The following KLF18 variants were observed in gnomAD, a reference collection of about 807,000 sequenced individuals.
The protein encoded by KLF18 is KLF transcription factor 18.
rs1643218792 is a variant in KLF18, at chr1:44,139,942, T to C, written c.1690A>G (p.Thr564Ala). Residue 564 changes from threonine to alanine, a missense_variant, in exon 1 of 2, where the codon ACT becomes GCT. Transcript: ENST00000634670. ...TLCGEQVTTS[T>A]GNQALYGGQI... ...CCCCCGTAGAGGGCCTGGTTACCAG[T>C]GGAGGTCGTCACCTGCTCCCCACAG... is the stretch of plus-strand genomic sequence containing the variant. 2.6e-6 allele frequency: 1 copy of C among 389,616 alleles called. No homozygotes were observed. The highest frequency in any genetic ancestry group is 3.6e-5 in the East Asian group (1 of 27,498). The allele number at this position is 389,616 out of a possible 1,614,324, so 24.1% of individuals were successfully genotyped here.
At chr1:44,138,386 C>T (rs1394966749) in intron 1 of KLF18, among the ~76,000 whole-genome samples, 3 of 152,112 alleles carry the variant, frequency 2.0e-5, no homozygotes, top group Non-Finnish European at 2.9e-5. Context: ...CTGCAAGAGG[C>T]CAAAGAAATC....
At position 44,138,675 on chromosome 1, in the gene KLF18, C is replaced by T. The variant is rs1334144049; in HGVS notation, c.2957G>A (p.Arg986His). 2.8e-5 allele frequency: 11 copies of T among 398,518 alleles called. No homozygotes were observed. Among genetic ancestry groups the T allele is most frequent in the Non-Finnish European group, 4.4e-5 (10 of 226,064 alleles). The allele number at this position is 398,518 out of a possible 1,614,324, so 24.7% of individuals were successfully genotyped here. The change falls in exon 1 of 2, where the codon CGC becomes CAC. Residue 986 changes from arginine (R) to histidine (H), a missense_variant. Coordinates refer to ENST00000634670, the MANE Select transcript of KLF18 (RefSeq NM_001358438.1). ...SKACHLRTHM[R>H]KHTGEKPYVC... ...GGGCCCTCACTCACCGGTGTGCTTG[C>T]GCATGTGGGTTCGGAGGTGGCAAGC...
In KLF18 at chr1:44,137,980, T is replaced by C. The variant is rs950191836; in HGVS notation, c.3000A>G (p.Gly1000=). 1 of 398,682 alleles carries C rather than the reference T, an allele frequency of 2.5e-6. No homozygotes were observed. The highest frequency in any genetic ancestry group is 4.4e-6 in the Non-Finnish European group (1 of 226,164). 24.7% of individuals were successfully genotyped at this position (398,682 alleles called of 1,614,324 possible). A position where few individuals can be genotyped will look rare whatever the true frequency, so the allele number is the denominator to read the frequency against. Residue 1000 remains glycine, a synonymous_variant, in exon 2 of 2, where the codon GGA becomes GGG. Transcript: ENST00000634670. ...CTGAGCGGGCAAATTTCCACGTACA[T>C]CCCTCTACATCGCATACATAGGGCT... ...GEKPYVCDVE[G]CTWKFARSDE... is the part of the protein sequence containing the mutation.
rs572634990 is a variant in KLF18 at position 44,140,634 on chromosome 1, C to T, written c.998G>A (p.Gly333Glu). 1.1e-4 allele frequency: 41 copies of T among 377,000 alleles called. No homozygotes were observed. The highest frequency in any genetic ancestry group is 7.9e-4 in the African/African-American group (33 of 41,558). The allele number at this position is 377,000 out of a possible 1,614,324, so 23.4% of individuals were successfully genotyped here. Residue 333 changes from glycine (G) to glutamate (E), a missense_variant, in exon 1 of 2, where the codon GGG (glycine) becomes GAG (glutamate). Physicochemically the swap from Gly to Glu is moderately conservative, Grantham distance 98. Coordinates refer to ENST00000634670, the MANE Select transcript of KLF18 (RefSeq NM_001358438.1). ...ACCAGTGGAGGTCATCATCTGCCCCCCATAGAGGTTCTGGTTACCAGTGGA... is the reference window on the plus strand; with the variant it reads ...ACCAGTGGAGGTCATCATCTGCCCCTCATAGAGGTTCTGGTTACCAGTGGA... ...TTSTGNQNLYGGQMMTSTGNQ... is the reference protein window; with the variant it reads ...TTSTGNQNLYEGQMMTSTGNQ...
chr1:44,139,761 G>A lies in KLF18; in HGVS notation c.1871C>T (p.Ala624Val), dbSNP rs888560445. The A allele has an allele frequency of 3.1e-4, 122 of 392,436 alleles. No homozygotes were observed. The highest frequency in any genetic ancestry group is 6.4e-4 in the Middle Eastern group (1 of 1,574). The allele number at this position is 392,436 out of a possible 1,614,324, so 24.3% of individuals were successfully genotyped here. A position where few individuals can be genotyped will look rare whatever the true frequency, so the allele number is the denominator to read the frequency against. The part of the protein sequence containing the change: ...GQMMTSTGNQ[A>V]LYGGQMTTSA... ...GGTTGTCATCTGCCCCCCGTAGAGG[G>A]CCTGGTTACCAGTGGAGGTCATCAT... Residue 624 changes from alanine to valine, a missense_variant, in exon 1 of 2, where the codon GCC becomes GTC. Ala to Val is a moderately conservative substitution (Grantham distance 64). Coordinates refer to ENST00000634670, the MANE Select transcript of KLF18 (RefSeq NM_001358438.1).
In KLF18 at chr1:44,138,779, GCT is replaced by G. The variant is rs1249411903; in HGVS notation, c.2851_2852del (p.Ser951LeufsTer8). On this transcript the variant is annotated frameshift_variant, in exon 1 of 2. Transcript: ENST00000634670. LOFTEE classifies it high-confidence loss of function. The part of the protein sequence containing the change: ...QGQLPKQKTQ[S>X]CQFWKNPEVS... ...CCTCAGGATTCTTCCAGAACTGGCAGCTCTGTGTCTTCTGTTTTGGGAGTTGT... is the reference window on the plus strand; with the variant it reads ...CCTCAGGATTCTTCCAGAACTGGCAGCTGTGTCTTCTGTTTTGGGAGTTGT... 9 of 398,558 alleles carry G rather than the reference GCT, an allele frequency of 2.3e-5. No homozygotes were observed. Among genetic ancestry groups the G allele is most frequent in the Non-Finnish European group, 4.0e-5 (9 of 226,106 alleles). 24.7% of individuals were successfully genotyped at this position (398,558 alleles called of 1,614,324 possible).
At chr1:44,138,640 C>A (rs922259694) in intron 1 of KLF18, 24 bp downstream of exon 1, 1 of 398,412 alleles carries the variant, frequency 2.5e-6, no homozygotes, top group Non-Finnish European at 4.4e-6. Flanking sequence ...TGCCCCTCAC[C>A]CCTGTTTCTG....
At position 44,139,598 on chromosome 1, in the gene KLF18, G is replaced by T; in HGVS notation, c.2034C>A (p.Asn678Lys). 2.5e-6 allele frequency: 1 copy of T among 398,002 alleles called. No homozygotes were observed. 24.7% of individuals were successfully genotyped at this position (398,002 alleles called of 1,614,324 possible). Residue 678 changes from asparagine to lysine, a missense_variant, in exon 1 of 2, where the codon AAC becomes AAA. Physicochemically the swap from Asn to Lys is moderately conservative, Grantham distance 94. Transcript: ENST00000634670. ...CGEQMTTSTG[N>K]QALYGGQMTT... ...TCATCTGCCCCCCGTAGAGGGCCTGGTTACCAGTGGAGGTTGTCATCTGCT... is the reference window on the plus strand; with the variant it reads ...TCATCTGCCCCCCGTAGAGGGCCTGTTTACCAGTGGAGGTTGTCATCTGCT...
chr1:44,139,801 G>C lies in KLF18; in HGVS notation c.1831C>G (p.Leu611Val). The C allele has an allele frequency of 2.6e-6, 1 of 389,662 alleles. No homozygotes were observed. The highest frequency in any genetic ancestry group is 2.1e-5 in the African/African-American group (1 of 47,192). The allele number at this position is 389,662 out of a possible 1,614,324, so 24.1% of individuals were successfully genotyped here. ...QVTTSTGNQA[L>V]YGGQMMTSTG... ...GAGGTCATCATCTGCCCCCCATAGA[G>C]GGCCTGGTTACCAGTGGAGGTCGTC... Residue 611 changes from leucine to valine, a missense_variant, in exon 1 of 2, where the codon CTC (leucine) becomes GTC (valine). Transcript: ENST00000634670.
Position 44,138,677 on chromosome 1 carries a change from C to T in KLF18, c.2955G>A (p.Met985Ile). The change falls in exon 1 of 2, where the codon ATG becomes ATA. Residue 985 changes from methionine (M) to isoleucine (I), a missense_variant. Transcript: ENST00000634670. ...GCCCTCACTCACCGGTGTGCTTGCG[C>T]ATGTGGGTTCGGAGGTGGCAAGCCT... ...YSKACHLRTH[M>I]RKHTGEKPYV... 5.0e-6 allele frequency: 2 copies of T among 398,620 alleles called. No homozygotes were observed. The highest frequency in any genetic ancestry group is 8.8e-6 in the Non-Finnish European group (2 of 226,056). 24.7% of individuals were successfully genotyped at this position (398,620 alleles called of 1,614,324 possible).
Position 44,137,989 on chromosome 1 carries a change from A to G in KLF18, c.2991T>C (p.Asp997=), listed in dbSNP as rs979393280. 1.3e-5 allele frequency: 5 copies of G among 398,688 alleles called. No homozygotes were observed. The highest frequency in any genetic ancestry group is 4.1e-5 in the African/African-American group (2 of 48,640). The allele number at this position is 398,688 out of a possible 1,614,324, so 24.7% of individuals were successfully genotyped here. ...KHTGEKPYVC[D]VEGCTWKFAR... is the part of the protein sequence containing the mutation. The stretch of plus-strand genomic sequence containing the variant: ...CAAATTTCCACGTACATCCCTCTAC[A>G]TCGCATACATAGGGCTTCTCCCCTG... Residue 997 remains aspartate, a synonymous_variant, in exon 2 of 2, where the codon GAT becomes GAC. Coordinates refer to ENST00000634670, the MANE Select transcript of KLF18 (RefSeq NM_001358438.1).
chr1:44,138,314 G>T (rs1384688455), intron 1 of KLF18, among the ~76,000 whole-genome samples: 5 of 152,174 alleles, frequency 3.3e-5, no homozygotes, highest in Non-Finnish European at 5.9e-5. Flanking sequence ...GGGAAGTGGG[G>T]CCTGGGGGCC....
Position 44,140,156 on chromosome 1 carries a change from G to A in KLF18, c.1476C>T (p.Thr492=). The change falls in exon 1 of 2, where the codon ACC becomes ACT. Residue 492 remains threonine, a synonymous_variant. Transcript: ENST00000634670. ...NQALYGGQMM[T]STGNQTLYWG... is the part of the protein sequence containing the mutation. ...AGTAGAGGGTCTGGTTACCAGTGGA[G>A]GTCATCATCTGCCCCCCGTAGAGGG... 1 of 388,994 alleles carries A rather than the reference G, an allele frequency of 2.6e-6. No homozygotes were observed. The allele number at this position is 388,994 out of a possible 1,614,324, so 24.1% of individuals were successfully genotyped here.
chr1:44,140,490 G>A lies in KLF18; in HGVS notation c.1142C>T (p.Ser381Phe). 2.9e-6 allele frequency: 1 copy of A among 340,216 alleles called. No individual in the cohort carries two copies. Among genetic ancestry groups the A allele is most frequent in the East Asian group, 3.9e-5 (1 of 25,562 alleles). 21.1% of individuals were successfully genotyped at this position (340,216 alleles called of 1,614,324 possible). ...CCCATAGAGGTTCTGGTTACCAGTG[G>A]AGGTCGTCATCTGCCCTCCACAGAG... ...QALCGGQMTT[S>F]TGNQNLYGGQ... is the part of the protein sequence containing the mutation. The change falls in exon 1 of 2, where the codon TCC (serine) becomes TTC (phenylalanine). Residue 381 changes from serine (S) to phenylalanine (F), a missense_variant. Ser to Phe is a radical substitution (Grantham distance 155, BLOSUM62 -2). Transcript: ENST00000634670.
chr1:44,141,254 T>C lies in KLF18; in HGVS notation c.378A>G (p.Ser126=). The C allele has an allele frequency of 5.0e-6, 2 of 398,678 alleles. No homozygotes were observed. Among genetic ancestry groups the C allele is most frequent in the Non-Finnish European group, 8.8e-6 (2 of 226,132 alleles). 24.7% of individuals were successfully genotyped at this position (398,678 alleles called of 1,614,324 possible). ...TTGTCTTCTGGCAATCAGTGGGTGATGACTTTGGGGTGACAGTAACATCTG... is the reference window on the plus strand; with the variant it reads ...TTGTCTTCTGGCAATCAGTGGGTGACGACTTTGGGGTGACAGTAACATCTG... ...QMTDVTVTPK[S]SPTDCQKTTI... is the part of the protein sequence containing the mutation. Residue 126 remains serine, a synonymous_variant, in exon 1 of 2, where the codon TCA becomes TCG. Coordinates refer to ENST00000634670, the MANE Select transcript of KLF18 (RefSeq NM_001358438.1).
At chr1:44,138,148 G>A (rs1227748118) in intron 1 of KLF18, 137 bp from the exon 2 acceptor site, 3 of 396,948 alleles carry the variant, frequency 7.6e-6, no homozygotes, top group Non-Finnish European at 1.3e-5. Context: ...AGTGGTGGAG[G>A]TGAGTGAAGG....
At position 44,138,921 on chromosome 1, in the gene KLF18, A is replaced by C; in HGVS notation, c.2711T>G (p.Met904Arg). 2.5e-6 allele frequency: 1 copy of C among 398,704 alleles called. No individual in the cohort carries two copies. Among genetic ancestry groups the C allele is most frequent in the Non-Finnish European group, 4.4e-6 (1 of 226,120 alleles). 24.7% of individuals were successfully genotyped at this position (398,704 alleles called of 1,614,324 possible). A position where few individuals can be genotyped will look rare whatever the true frequency, so the allele number is the denominator to read the frequency against. The change falls in exon 1 of 2, where the codon ATG becomes AGG. Residue 904 changes from methionine to arginine, a missense_variant. By Grantham distance (91) the Met-to-Arg change is moderately conservative (BLOSUM62 -1). Transcript: ENST00000634670. ...GCTGTGGTCATCAGTGAGCGTTGTC[A>C]TATTGCCCACCTGAAGAGTCAGCAT... ...DQMLTLQVGN[M>R]TTLTDDHSLY...
At position 44,141,284 on chromosome 1, in the gene KLF18, C is replaced by T. The variant is rs947109454; in HGVS notation, c.348G>A (p.Gln116=). 2 of 398,530 alleles carry T rather than the reference C, an allele frequency of 5.0e-6. No homozygotes were observed. The highest frequency in any genetic ancestry group is 8.8e-5 in the Admixed American group (2 of 22,708). The allele number at this position is 398,530 out of a possible 1,614,324, so 24.7% of individuals were successfully genotyped here. ...FDQVKHTAGS[Q]MTDVTVTPKS... is the part of the protein sequence containing the mutation. The stretch of plus-strand genomic sequence containing the variant: ...TTGGGGTGACAGTAACATCTGTCAT[C>T]TGGGAGCCTGCTGTGTGTTTTACCT... Residue 116 remains glutamine, a synonymous_variant, in exon 1 of 2, where the codon CAG becomes CAA. Coordinates refer to ENST00000634670, the MANE Select transcript of KLF18 (RefSeq NM_001358438.1).
chr1:44,139,112 C>G lies in KLF18; in HGVS notation c.2520G>C (p.Val840=). 2.5e-6 allele frequency: 1 copy of G among 396,024 alleles called. No homozygotes were observed. Among genetic ancestry groups the G allele is most frequent in the Admixed American group, 4.4e-5 (1 of 22,580 alleles). The allele number at this position is 396,024 out of a possible 1,614,324, so 24.5% of individuals were successfully genotyped here. Residue 840 remains valine, a synonymous_variant, in exon 1 of 2, where the codon GTG becomes GTC. Transcript: ENST00000634670. ...TSNQTLCGEQ[V]TTSTGNQALY... The stretch of plus-strand genomic sequence containing the variant: ...GGGCCTGGTTACCAGTGGAGGTCGT[C>G]ACCTGCTCCCCACAGAGGGTCTGGT...
Sources: allele counts gnomAD v4.1 joint callset (sites outside exome capture counted in the v4.1 genomes callset), GRCh38; gene constraint gnomAD v4.1.1; transcripts MANE v1.5; gene names NCBI Gene and HGNC (gene_info 2026-07-23, HGNC 2026-07-21).